The following SYNJ1 variants were observed in gnomAD, a reference collection of about 807,000 sequenced individuals.
SYNJ1 encodes the protein polyphosphatidylinositol phosphatase SYNJ1.
In SYNJ1, 78 loss-of-function variants were observed where a neutral mutation model predicts 168.2. The observed-to-expected ratio is 0.46, with a 90% confidence interval of 0.39 to 0.56. The LOEUF is 0.56. SYNJ1 is among the 20% of genes least tolerant of loss of function. SYNJ1 has a pLI of 0.00. For missense variants in SYNJ1, 1,303 were observed against 1,597.6 expected (o/e 0.82, Z 3.14); for synonymous variants, 539 against 548.6 (o/e 0.98, Z 0.24).
chr21:32,660,010 A>G (rs958691217), intron 18 of SYNJ1, among the ~76,000 whole-genome samples: 1 of 152,240 alleles, frequency 6.6e-6, no homozygotes, highest in African/African-American at 2.4e-5. Context: ...ACAGCAGCGC[A>G]TGGCAGGCCC....
Position 32,630,861 on chromosome 21 carries a change from C to T in SYNJ1, c.*944G>A. The stretch of plus-strand genomic sequence containing the variant: ...TATACACATAGTCCAACTCTGTACA[C>T]ATCAAATAGTGGTGTTTTGTGAAGA... On this transcript the variant is annotated 3_prime_UTR_variant, in exon 33 of 33. Coordinates refer to ENST00000674351, the MANE Select transcript of SYNJ1 (RefSeq NM_203446.3). 1 of 848,848 alleles carries T rather than the reference C, an allele frequency of 1.2e-6. No homozygotes were observed. The allele number at this position is 848,848 out of a possible 1,614,324, so 52.6% of individuals were successfully genotyped here. A position where few individuals can be genotyped will look rare whatever the true frequency, so the allele number is the denominator to read the frequency against.
At chr21:32,694,972 G>A (rs570213809) in intron 5 of SYNJ1, 85 bp downstream of exon 5, 31 of 1,290,802 alleles carry the variant, frequency 2.4e-5, no homozygotes, top group Middle Eastern at 2.2e-4. Flanking sequence ...AATAAGCTCC[G>A]AATCAAATAA....
Position 32,645,685 on chromosome 21 carries a change from TG to T in SYNJ1, c.3351del (p.Thr1118HisfsTer36). ...RPPPPRPVAP[P>X]TRPAPPQRPP... Reference sequence around the variant, plus strand: ...GGTCTCTGTGGGGGAGCCGGGCGTGTGGGAGGGGCGACCGGGCGGGGCGGCG... The same window carrying T: ...GGTCTCTGTGGGGGAGCCGGGCGTGTGGAGGGGCGACCGGGCGGGGCGGCG... On this transcript the variant is annotated frameshift_variant, in exon 25 of 33. Coordinates refer to ENST00000674351, the MANE Select transcript of SYNJ1 (RefSeq NM_203446.3). LOFTEE classifies it high-confidence loss of function. 1 of 1,506,724 alleles carries T rather than the reference TG, an allele frequency of 6.6e-7. No homozygotes were observed. The allele number at this position is 1,506,724 out of a possible 1,614,324, so 93.3% of individuals were successfully genotyped here.
intron 31 of SYNJ1, among the ~76,000 whole-genome samples, chr21:32,638,338 T>A (rs768630192): frequency 6.6e-6 from 1 of 152,176 alleles, no homozygotes; most frequent in Non-Finnish European, 1.5e-5. Flanking sequence ...AGTGTTAGGG[T>A]TCACTCATCT....
rs766131314 is a variant in SYNJ1 at position 32,695,034 on chromosome 21, G to A, written c.705+23C>T. On this transcript the variant is annotated intron_variant, in intron 5 of 32. Coordinates refer to ENST00000674351, the MANE Select transcript of SYNJ1 (RefSeq NM_203446.3). The stretch of plus-strand genomic sequence containing the variant: ...GCTTCTCCTATAATAAATTAATTAA[G>A]TAATATAAAACACTATATATACCTG... 1.9e-6 allele frequency: 3 copies of A among 1,582,624 alleles called. No homozygotes were observed. The South Asian group carries it at 3.4e-5, about 18-fold the overall frequency.
intron 2 of SYNJ1, among the ~76,000 whole-genome samples, chr21:32,719,939 G>T (rs1281688277): frequency 6.6e-6 from 1 of 151,772 alleles, no homozygotes; most frequent in Admixed American, 6.6e-5. Context: ...GCCTAGGGGT[G>T]TTGTGAAAAA....
chr21:32,693,956 T>C (rs2042115419), intron 6 of SYNJ1, among the ~76,000 whole-genome samples: 2 of 152,158 alleles, frequency 1.3e-5, no homozygotes, highest in African/African-American at 4.8e-5. Context: ...TGGAATCACA[T>C]TGCAAATCAA....
At chr21:32,714,739 C>A (rs2042960771) in intron 2 of SYNJ1, among the ~76,000 whole-genome samples, 2 of 152,116 alleles carry the variant, frequency 1.3e-5, no homozygotes, top group South Asian at 4.1e-4. Flanking sequence ...TTGGTAGCCA[C>A]CAAACAGTTT....
At chr21:32,646,746 G>A in intron 23 of SYNJ1, 144 bp from the exon 24 acceptor site, 1 of 635,942 alleles carries the variant, frequency 1.6e-6, no homozygotes, top group Non-Finnish European at 2.8e-6. Context: ...AAGCATGAAG[G>A]CATGTATAAA....
Position 32,656,639 on chromosome 21 carries a change from A to G in SYNJ1, c.2795+48T>C, listed in dbSNP as rs759428784. The G allele has an allele frequency of 2.7e-6, 4 of 1,493,722 alleles. No homozygotes were observed. In the South Asian group the frequency reaches 5.0e-5, roughly 19 times the overall value. The allele number at this position is 1,493,722 out of a possible 1,614,324, so 92.5% of individuals were successfully genotyped here. ...CAAATAAGGTGATTTCTATATAGAA[A>G]TGATTGTTTATGAATCACAAGCTAC... On this transcript the variant is annotated intron_variant, in intron 21 of 32. Transcript: ENST00000674351.
chr21:32,643,866 T>C (rs2039954026), intron 26 of SYNJ1, among the ~76,000 whole-genome samples: 1 of 152,172 alleles, frequency 6.6e-6, no homozygotes, highest in Non-Finnish European at 1.5e-5. Context: ...TTGAAGTTAG[T>C]TTTTGATGCA....
intron 8 of SYNJ1, 68 bp downstream of exon 8, chr21:32,686,910 T>C: frequency 9.5e-7 from 1 of 1,053,276 alleles, no homozygotes; most frequent in Non-Finnish European, 1.4e-6. Context: ...ATTACTGTAT[T>C]ATTTTATTTT....
chr21:32,668,935 T>G (rs1186705036), intron 15 of SYNJ1, among the ~76,000 whole-genome samples: 1 of 152,114 alleles, frequency 6.6e-6, no homozygotes, highest in African/African-American at 2.4e-5. Flanking sequence ...TCACTCGAAT[T>G]TAGGCACCAA....
chr21:32,719,883 T>C (rs920060623), intron 2 of SYNJ1, among the ~76,000 whole-genome samples: 5 of 152,078 alleles, frequency 3.3e-5, no homozygotes, highest in African/African-American at 1.2e-4. Flanking sequence ...CAAATATTTT[T>C]TGGACCTAAC....
intron 23 of SYNJ1, among the ~76,000 whole-genome samples, chr21:32,647,274 A>C (rs2040110571): frequency 1.3e-5 from 2 of 152,190 alleles, no homozygotes; most frequent in African/African-American, 4.8e-5. Flanking sequence ...CCCACTTGCT[A>C]CAGTCATCTC....
At position 32,678,807 on chromosome 21, in the gene SYNJ1, C is replaced by A; in HGVS notation, c.1354-6G>T. The A allele has an allele frequency of 6.2e-7, 1 of 1,605,546 alleles. No homozygotes were observed. Among genetic ancestry groups the A allele is most frequent in the South Asian group, 1.1e-5 (1 of 88,786 alleles). On this transcript the variant is annotated splice_polypyrimidine_tract_variant and splice_region_variant and intron_variant, in intron 11 of 32. Transcript: ENST00000674351. ...GAGCGAGCACCATCTTTTAACTTTC[C>A]AGCCTGTTAAGAAAGGAGCGCAGAT... is the stretch of plus-strand genomic sequence containing the variant.
At chr21:32,654,301 G>A (rs549984777) in intron 21 of SYNJ1, among the ~76,000 whole-genome samples, 2 of 152,172 alleles carry the variant, frequency 1.3e-5, no homozygotes, top group South Asian at 2.1e-4. Flanking sequence ...ACTTCACCCT[G>A]GTAAAATCAA....
chr21:32,659,094 T>TA (rs75107237), intron 18 of SYNJ1, among the ~76,000 whole-genome samples: 1,689 of 135,676 alleles, frequency 0.012, 32 homozygotes, highest in African/African-American at 0.037. Flanking sequence ...TCCTTTTACC[T>TA]AAAAAAAAAA....
intron 13 of SYNJ1, among the ~76,000 whole-genome samples, chr21:32,674,798 TG>T (rs1342815552): frequency 6.6e-6 from 1 of 152,202 alleles, no homozygotes; most frequent in African/African-American, 2.4e-5. Context: ...TTTTACCACA[TG>T]ATCTTATTTT....
Sources: allele counts gnomAD v4.1 joint callset (sites outside exome capture counted in the v4.1 genomes callset), GRCh38; gene constraint gnomAD v4.1.1; transcripts MANE v1.5; gene names NCBI Gene and HGNC (gene_info 2026-07-23, HGNC 2026-07-21).